Variants in GRIN2B observed in about 807,000 individuals in gnomAD.
GRIN2B encodes the protein glutamate ionotropic receptor NMDA type subunit 2B.
A neutral mutation model predicts 114.5 loss-of-function variants in GRIN2B; 5 were observed. The ratio of observed to expected loss-of-function variants is 0.04; its 90% CI spans 0.02 to 0.09. The LOEUF is 0.09. Ranked by LOEUF, GRIN2B falls within the 10% of genes least tolerant of loss-of-function variation. GRIN2B has a pLI of 1.00. For synonymous variants in GRIN2B, 787 were observed against 745.1 expected (o/e 1.06, Z -0.92); for missense variants, 1,108 against 1,943.5 (o/e 0.57, Z 8.08).
intron 3 of GRIN2B, among the ~76,000 whole-genome samples, chr12:13,809,115 T>TCC (rs1251483374): frequency 6.6e-6 from 1 of 152,152 alleles, no homozygotes; most frequent in Non-Finnish European, 1.5e-5. Flanking sequence ...ATCCCTGGCC[T>TCC]CCACCCTATA....
At chr12:13,808,750 A>ATATATATATATATATAT in intron 3 of GRIN2B, among the ~76,000 whole-genome samples, 1 of 111,822 alleles carries the variant, frequency 8.9e-6, no homozygotes, top group South Asian at 2.9e-4. Flanking sequence ...TAATAAAAAA[A>ATATATATATATATATAT]AAATATATAT....
Position 13,628,231 on chromosome 12 carries a change from C to T in GRIN2B, c.1126-11574G>A, listed in dbSNP as rs796696652. Among the ~76,000 whole-genome samples, 30 of 152,128 alleles carry T rather than the reference C, an allele frequency of 2.0e-4. 1 individual carries two copies. The highest frequency in any genetic ancestry group is 7.0e-4 in the African/African-American group (29 of 41,502). On this transcript the variant is annotated intron_variant, in intron 5 of 13. Transcript: ENST00000609686. Reference sequence around the variant, plus strand: ...CCATAGCATTAGATGGTCTAGGGGCCCAAAGAAGCAGGAGGATGAAAGACA... The same window carrying T: ...CCATAGCATTAGATGGTCTAGGGGCTCAAAGAAGCAGGAGGATGAAAGACA...
chr12:13,712,013 T>C (rs1359850926), intron 4 of GRIN2B, among the ~76,000 whole-genome samples: 2 of 151,964 alleles, frequency 1.3e-5, no homozygotes, highest in African/African-American at 2.4e-5. Context: ...ATTAAGAAAA[T>C]GGGGCACATA....
At position 13,898,924 on chromosome 12, in the gene GRIN2B, A is replaced by G. The variant is rs370071222; in HGVS notation, c.-18-32698T>C. Among the ~76,000 whole-genome samples the G allele has an allele frequency of 2.5e-4, 38 of 152,282 alleles. No individual in the cohort carries two copies. The East Asian group carries it at 6.9e-3, about 28-fold the overall frequency. On this transcript the variant is annotated intron_variant, in intron 2 of 13. Transcript: ENST00000609686. Reference sequence around the variant, plus strand: ...ACTCCGTCTCAAAAATAATAATAATAGCAACAACTATTACTACTACCACTA... The same window carrying G: ...ACTCCGTCTCAAAAATAATAATAATGGCAACAACTATTACTACTACCACTA...
chr12:13,952,277 C>A (rs866640719), intron 2 of GRIN2B, among the ~76,000 whole-genome samples: 1 of 152,084 alleles, frequency 6.6e-6, no homozygotes, highest in Non-Finnish European at 1.5e-5. Flanking sequence ...CTGAAGCACT[C>A]GATTCTAGAA....
In GRIN2B at chr12:13,571,075, G is replaced by A. The variant is rs535188548; in HGVS notation, c.2171+729C>T. 9.2e-5 allele frequency among the ~76,000 whole-genome samples: 14 copies of A among 152,222 alleles called. No individual in the cohort carries two copies. In the South Asian group the frequency reaches 2.9e-3, roughly 32 times the overall value. On this transcript the variant is annotated intron_variant, in intron 11 of 13. Coordinates refer to ENST00000609686, the MANE Select transcript of GRIN2B (RefSeq NM_000834.5). ...GTATTTTAAGTAACCATTTATCTAG[G>A]TGCCTTTTCCAGACCTGGAGCTACA...
chr12:13,654,020 T>C (rs1170022430), intron 5 of GRIN2B, among the ~76,000 whole-genome samples: 1 of 152,154 alleles, frequency 6.6e-6, no homozygotes, highest in Non-Finnish European at 1.5e-5. Context: ...ACCTCCTTTC[T>C]GCACTCCCTT....
At chr12:13,843,096 G>T (rs1591762889) in intron 3 of GRIN2B, among the ~76,000 whole-genome samples, 1 of 138,020 alleles carries the variant, frequency 7.2e-6, no homozygotes. Flanking sequence ...GAATGTGTAG[G>T]CTTGCTACAC....
intron 4 of GRIN2B, among the ~76,000 whole-genome samples, chr12:13,676,319 A>T (rs994442308): frequency 6.6e-6 from 1 of 152,154 alleles, no homozygotes; most frequent in Non-Finnish European, 1.5e-5. Context: ...GAACCTGCAC[A>T]TCCTGCACAT....
intron 3 of GRIN2B, among the ~76,000 whole-genome samples, chr12:13,760,314 C>T (rs1394813439): frequency 6.6e-6 from 1 of 152,152 alleles, no homozygotes; most frequent in Non-Finnish European, 1.5e-5. Flanking sequence ...ATAGGGTGCT[C>T]TCAGTAAATA....
intron 3 of GRIN2B, among the ~76,000 whole-genome samples, chr12:13,841,252 T>C (rs1865373853): frequency 1.3e-5 from 2 of 152,150 alleles, no homozygotes; most frequent in Non-Finnish European, 2.9e-5. Context: ...CAGCTAGCCA[T>C]GCCGGAGCCT....
intron 3 of GRIN2B, among the ~76,000 whole-genome samples, chr12:13,784,387 G>A (rs558592616): frequency 5.9e-5 from 9 of 152,096 alleles, no homozygotes; most frequent in South Asian, 4.2e-4. Context: ...TTTGTTATGT[G>A]GGCACAATAG....
At chr12:13,821,656 A>C (rs1864940753) in intron 3 of GRIN2B, among the ~76,000 whole-genome samples, 1 of 152,196 alleles carries the variant, frequency 6.6e-6, no homozygotes, top group Admixed American at 6.5e-5. Context: ...CTGTGTAGTA[A>C]TCTTGATCAT....
Position 13,539,664 on chromosome 12 carries a change from G to A in GRIN2B, c.*23119C>T, listed in dbSNP as rs1048229936. 1.3e-5 allele frequency: 2 copies of A among 152,122 alleles called. No individual in the cohort carries two copies. Among genetic ancestry groups the A allele is most frequent in the African/African-American group, 4.8e-5 (2 of 41,422 alleles). 9.4% of individuals were successfully genotyped at this position (152,122 alleles called of 1,614,324 possible). On this transcript the variant is annotated 3_prime_UTR_variant, in exon 14 of 14. Transcript: ENST00000609686. ...TTTACATTGTCTTCATTAATATTGG[G>A]AAGAACCAGCAAAATCCAACTGTGG...
At chr12:13,709,381 A>T (rs1950393766) in intron 4 of GRIN2B, among the ~76,000 whole-genome samples, 1 of 152,056 alleles carries the variant, frequency 6.6e-6, no homozygotes, top group African/African-American at 2.4e-5. Flanking sequence ...TCTGACCAAG[A>T]TTTTAAAGCA....
intron 4 of GRIN2B, among the ~76,000 whole-genome samples, chr12:13,728,864 T>G (rs180797269): frequency 6.6e-6 from 1 of 152,192 alleles, no homozygotes; most frequent in Non-Finnish European, 1.5e-5. Context: ...TGATAATCAC[T>G]TTCTTACTCA....
At chr12:13,931,111 G>T (rs1026296325) in intron 2 of GRIN2B, among the ~76,000 whole-genome samples, 7 of 152,142 alleles carry the variant, frequency 4.6e-5, no homozygotes, top group African/African-American at 1.4e-4. Flanking sequence ...GTCGTATAGA[G>T]GTGGTTTGAA....
intron 5 of GRIN2B, among the ~76,000 whole-genome samples, chr12:13,651,118 G>A (rs1404007325): frequency 6.6e-6 from 1 of 152,018 alleles, no homozygotes; most frequent in African/African-American, 2.4e-5. Flanking sequence ...GAAGAAAAGG[G>A]GCAAGAGAGA....
intron 2 of GRIN2B, among the ~76,000 whole-genome samples, chr12:13,933,857 A>C (rs2136826863): frequency 6.6e-6 from 1 of 152,264 alleles, no homozygotes; most frequent in Admixed American, 6.5e-5. Context: ...AATGAGGTTC[A>C]CCCTGCCTGA....
Sources: allele counts gnomAD v4.1 joint callset (sites outside exome capture counted in the v4.1 genomes callset), GRCh38; gene constraint gnomAD v4.1.1; transcripts MANE v1.5; gene names NCBI Gene and HGNC (gene_info 2026-07-23, HGNC 2026-07-21).